ZSWIM6: variants seen among roughly 807,000 people sequenced by gnomAD.
The protein encoded by ZSWIM6 is zinc finger SWIM-type containing 6.
In ZSWIM6, 9 loss-of-function variants were observed where a neutral mutation model predicts 113.2. The ratio of observed to expected loss-of-function variants is 0.08; its 90% CI spans 0.05 to 0.14. ZSWIM6 has a LOEUF of 0.14. Ranked by LOEUF, ZSWIM6 falls within the 10% of genes least tolerant of loss-of-function variation. The pLI, the probability that ZSWIM6 is intolerant of heterozygous loss-of-function variation, is 1.00. For missense variants in ZSWIM6, 1,162 were observed against 1,552.2 expected (o/e 0.75, Z 4.22); for synonymous variants, 611 against 606.5 (o/e 1.01, Z -0.11).
chr5:61,436,096 G>C (rs1278118511), intron 1 of ZSWIM6, among the ~76,000 whole-genome samples: 1 of 151,928 alleles, frequency 6.6e-6, no homozygotes, highest in Non-Finnish European at 1.5e-5. Flanking sequence ...AGCTACCCGG[G>C]AGGCTGAGGC....
chr5:61,395,517 C>T (rs1053309908), intron 1 of ZSWIM6, among the ~76,000 whole-genome samples: 18 of 151,930 alleles, frequency 1.2e-4, no homozygotes, highest in African/African-American at 3.6e-4. Context: ...TAAAAATCAA[C>T]GGTTTAATTG....
chr5:61,508,683 T>A (rs183552770), intron 4 of ZSWIM6, among the ~76,000 whole-genome samples: 1 of 152,306 alleles, frequency 6.6e-6, no homozygotes, highest in East Asian at 1.9e-4. Flanking sequence ...TTATACATGT[T>A]TGATCAACAG....
chr5:61,355,479 C>T (rs1459293938), intron 1 of ZSWIM6, among the ~76,000 whole-genome samples: 1 of 125,738 alleles, frequency 8.0e-6, no homozygotes, highest in African/African-American at 3.0e-5. Flanking sequence ...CACACACACA[C>T]ACACACACAC....
intron 9 of ZSWIM6, 119 bp downstream of exon 9, chr5:61,531,844 T>G: frequency 9.0e-7 from 1 of 1,108,150 alleles, no homozygotes. Flanking sequence ...ATTGCTATAG[T>G]CATGGGGTAT....
In ZSWIM6 at chr5:61,472,386, T is replaced by C. The variant is rs895210528; in HGVS notation, c.677-295T>C. 6.6e-6 allele frequency among the ~76,000 whole-genome samples: 1 copy of C among 152,238 alleles called. No individual in the cohort carries two copies. The highest frequency in any genetic ancestry group is 1.5e-5 in the Non-Finnish European group (1 of 68,044). ...GAGCAGAGTAATGATGGCCTCTTAG[T>C]GCGTGATCTAACCACTTCCTATAGG... On this transcript the variant is annotated intron_variant, in intron 1 of 13. Coordinates refer to ENST00000252744, the MANE Select transcript of ZSWIM6 (RefSeq NM_020928.2). The surrounding 1 kb of genome is among the most constrained non-coding windows in gnomAD (Gnocchi z 4.1).
Position 61,539,754 on chromosome 5 carries a change from C to T in ZSWIM6, c.2698C>T (p.Leu900=). ...TTTGAAAGTGTCTCTGGAGCTGGGC[C>T]TGCAGGTACATGACTGGTAGTCTTT... is the stretch of plus-strand genomic sequence containing the variant. ...TLLKVSLELG[L]QVMRMTLSTL... The change falls in exon 12 of 14, where the codon CTG becomes TTG. Residue 900 remains leucine, a synonymous_variant. Coordinates refer to ENST00000252744, the MANE Select transcript of ZSWIM6 (RefSeq NM_020928.2). 1 of 1,550,772 alleles carries T rather than the reference C, an allele frequency of 6.4e-7. No individual in the cohort carries two copies. The highest frequency in any genetic ancestry group is 8.7e-7 in the Non-Finnish European group (1 of 1,146,476).
intron 1 of ZSWIM6, among the ~76,000 whole-genome samples, chr5:61,409,757 A>G (rs780580502): frequency 9.9e-5 from 15 of 152,172 alleles, no homozygotes; most frequent in Non-Finnish European, 2.2e-4. Flanking sequence ...GGAGAGGGAT[A>G]TGTGGGATGG....
chr5:61,377,493 C>T (rs370142263), intron 1 of ZSWIM6, among the ~76,000 whole-genome samples: 23 of 151,852 alleles, frequency 1.5e-4, no homozygotes, highest in South Asian at 2.1e-4. Flanking sequence ...CTGAGGCTGG[C>T]GGATCACGAG....
Position 61,544,427 on chromosome 5 carries a change from T to G in ZSWIM6, c.*110T>G. The G allele has an allele frequency of 3.0e-6, 2 of 656,972 alleles. No individual in the cohort carries two copies. Among genetic ancestry groups the G allele is most frequent in the Admixed American group, 2.9e-5 (1 of 34,648 alleles). The allele number at this position is 656,972 out of a possible 1,614,324, so 40.7% of individuals were successfully genotyped here. ...TTAAAGAACAGAGCCACACCGGTAT[T>G]ATATGTGTATAGTTATATTGCGTTT... is the stretch of plus-strand genomic sequence containing the variant. On this transcript the variant is annotated 3_prime_UTR_variant, in exon 14 of 14. Transcript: ENST00000252744.
intron 1 of ZSWIM6, among the ~76,000 whole-genome samples, chr5:61,426,811 CTT>C (rs1173474197): frequency 1.4e-5 from 2 of 143,904 alleles, no homozygotes; most frequent in Admixed American, 7.0e-5. Context: ...TTGAGTTTTT[CTT>C]TTTTTTTTTT....
intron 1 of ZSWIM6, among the ~76,000 whole-genome samples, chr5:61,416,197 GA>G (rs1482980329): frequency 6.6e-6 from 1 of 152,206 alleles, no homozygotes; most frequent in African/African-American, 2.4e-5. Context: ...GAAGGAGGCA[GA>G]AAGGCCGGTT....
chr5:61,412,707 G>T (rs1404337694), intron 1 of ZSWIM6, among the ~76,000 whole-genome samples: 2 of 152,310 alleles, frequency 1.3e-5, no homozygotes, highest in African/African-American at 4.8e-5. Flanking sequence ...CCCTGCTGAA[G>T]AATCTATGTT....
rs1744274697 is a variant in ZSWIM6, at chr5:61,332,497, G to C, written c.225G>C (p.Glu75Asp). The C allele has an allele frequency of 3.9e-6, 5 of 1,273,296 alleles. No homozygotes were observed. Among genetic ancestry groups the C allele is most frequent in the Admixed American group, 2.7e-5 (1 of 36,602 alleles). 78.9% of individuals were successfully genotyped at this position (1,273,296 alleles called of 1,614,324 possible). ...CGCCGGGCAAGACCCAGAGCCCCGA[G>C]TCGCTGCTGGACATCGCGGCGCGCA... ...LLPPGKTQSP[E>D]SLLDIAARRV... The change falls in exon 1 of 14, where the codon GAG becomes GAC. Residue 75 changes from glutamate (E) to aspartate (D), a missense_variant. Around this residue, in one of 4 missense-constraint regions of ZSWIM6, gnomAD observed 333 missense variants for 293.4 expected, o/e 1.13. Coordinates refer to ENST00000252744, the MANE Select transcript of ZSWIM6 (RefSeq NM_020928.2).
chr5:61,376,262 C>T (rs1359589174), intron 1 of ZSWIM6, among the ~76,000 whole-genome samples: 31 of 64,258 alleles, frequency 4.8e-4, no homozygotes, highest in African/African-American at 1.9e-3. Flanking sequence ...ATTAATATTT[C>T]AAAACCCTTA....
chr5:61,461,958 G>A (rs539191105), intron 1 of ZSWIM6, among the ~76,000 whole-genome samples: 2 of 152,074 alleles, frequency 1.3e-5, no homozygotes, highest in Admixed American at 6.6e-5. Context: ...ATTTAGCCAA[G>A]GTAAAAATAT....
chr5:61,426,463 C>T (rs972033458), intron 1 of ZSWIM6, among the ~76,000 whole-genome samples: 1 of 152,138 alleles, frequency 6.6e-6, no homozygotes, highest in Non-Finnish European at 1.5e-5. Context: ...ATTGTTTTTC[C>T]AAACCATTTT....
Position 61,521,446 on chromosome 5 carries a change from AGTC to A in ZSWIM6, c.1513+5_1513+7del. Reference sequence around the variant, plus strand: ...CAGGGTGCAAATGCCAACCAAGGTGAGTCTACCATAATGTTCTGCTTAAATTGT... The same window carrying A: ...CAGGGTGCAAATGCCAACCAAGGTGATACCATAATGTTCTGCTTAAATTGT... On this transcript the variant is annotated splice_donor_5th_base_variant and intron_variant, in intron 5 of 13. Transcript: ENST00000252744. The A allele has an allele frequency of 6.9e-7, 1 of 1,456,674 alleles. No individual in the cohort carries two copies. The highest frequency in any genetic ancestry group is 1.4e-5 in the African/African-American group (1 of 69,146). The allele number at this position is 1,456,674 out of a possible 1,614,324, so 90.2% of individuals were successfully genotyped here.
intron 1 of ZSWIM6, among the ~76,000 whole-genome samples, chr5:61,368,864 A>G (rs1394607303): frequency 6.6e-6 from 1 of 152,222 alleles, no homozygotes; most frequent in East Asian, 1.9e-4. Flanking sequence ...TTTGACATCT[A>G]GCAGCTGTAT....
chr5:61,526,035 G>C, intron 6 of ZSWIM6, 59 bp downstream of exon 6: 1 of 1,530,662 alleles, frequency 6.5e-7, no homozygotes, highest in Non-Finnish European at 8.8e-7. Context: ...AGTTTCTATA[G>C]CATTACTGGA....
Sources: allele counts gnomAD v4.1 joint callset (sites outside exome capture counted in the v4.1 genomes callset), GRCh38; gene constraint gnomAD v4.1.1; regional missense constraint gnomAD v4.1.1; non-coding constraint Gnocchi (gnomAD v3.1); transcripts MANE v1.5; gene names NCBI Gene and HGNC (gene_info 2026-07-23, HGNC 2026-07-21).